Variants in CYP2U1 observed in about 807,000 individuals in gnomAD.
CYP2U1 encodes the protein cytochrome P450 2U1.
In CYP2U1, 28 loss-of-function variants were observed where a neutral mutation model predicts 42.8. The ratio of observed to expected loss-of-function variants is 0.65; its 90% CI spans 0.48 to 0.90. The LOEUF is 0.90. CYP2U1 is among the 40% of genes least tolerant of loss of function. The probability of loss-of-function intolerance (pLI) is 0.00; values close to 1 mark genes in which losing one functional copy is unlikely to be tolerated. For missense variants in CYP2U1, 642 were observed against 693.8 expected (o/e 0.93, Z 0.84); for synonymous variants, 296 against 278.9 (o/e 1.06, Z -0.61).
At chr4:107,945,830 G>T (rs117910291) in intron 2 of CYP2U1, among the ~76,000 whole-genome samples, 2 of 152,188 alleles carry the variant, frequency 1.3e-5, no homozygotes, top group Non-Finnish European at 2.9e-5. Flanking sequence ...ATCTCTACGC[G>T]TCTGATTCTA....
intron 3 of CYP2U1, among the ~76,000 whole-genome samples, chr4:107,949,055 A>G (rs1024988422): frequency 4.6e-5 from 7 of 151,916 alleles, no homozygotes; most frequent in African/African-American, 1.7e-4. Flanking sequence ...GAAATCCCCT[A>G]TTGTTTCTGT....
Position 107,947,525 on chromosome 4 carries a change from TCA to T in CYP2U1, c.1277_1278del (p.Ser426Ter). 1 of 1,614,022 alleles carries T rather than the reference TCA, an allele frequency of 6.2e-7. No homozygotes were observed. The highest frequency in any genetic ancestry group is 1.1e-5 in the South Asian group (1 of 91,072). ...VVPLAIPHMT[S>X]ENTVLQGYTI... ...GCCGCTTGCCATTCCTCATATGACCTCAGAGAACACAGGCAAGTCCAGGGTCT... is the reference window on the plus strand; with the variant it reads ...GCCGCTTGCCATTCCTCATATGACCTGAGAACACAGGCAAGTCCAGGGTCT... On this transcript the variant is annotated frameshift_variant, in exon 3 of 5. Transcript: ENST00000332884. LOFTEE classifies it high-confidence loss of function.
In CYP2U1 at chr4:107,950,580, C is replaced by T; in HGVS notation, c.*157C>T. On this transcript the variant is annotated 3_prime_UTR_variant, in exon 5 of 5. Coordinates refer to ENST00000332884, the MANE Select transcript of CYP2U1 (RefSeq NM_183075.3). ...GGTAGAGCACACTGGGAGGTTTCAT[C>T]TTGGAGGATTCCTCAGCAGGATACT... 1.5e-6 allele frequency: 1 copy of T among 661,876 alleles called. No individual in the cohort carries two copies. The allele number at this position is 661,876 out of a possible 1,614,324, so 41.0% of individuals were successfully genotyped here. A position where few individuals can be genotyped will look rare whatever the true frequency, so the allele number is the denominator to read the frequency against.
In CYP2U1 at chr4:107,934,078, T is replaced by C. The variant is rs1247905553; in HGVS notation, c.490+1945T>C. Among the ~76,000 whole-genome samples the C allele has an allele frequency of 2.6e-5, 4 of 152,286 alleles. No homozygotes were observed. The East Asian group carries it at 7.7e-4, about 29-fold the overall frequency. On this transcript the variant is annotated intron_variant, in intron 1 of 4. Coordinates refer to ENST00000332884, the MANE Select transcript of CYP2U1 (RefSeq NM_183075.3). ...CTTGATCATGTGGTAATTCTAGGTT[T>C]AATTTTTTGAAGAACCATCATACTA...
chr4:107,939,452 A>C (rs966774273), intron 1 of CYP2U1, among the ~76,000 whole-genome samples: 2 of 152,236 alleles, frequency 1.3e-5, no homozygotes, highest in African/African-American at 4.8e-5. Context: ...ACCATACCAG[A>C]GGAATGTTGA....
intron 1 of CYP2U1, chr4:107,939,031 C>CA (rs35318017): frequency 0.17 from 25,901 of 152,234 alleles, 2,413 homozygotes; most frequent in Non-Finnish European, 0.21. Context: ...GGTGTGGTGG[C>CA]ATGCGCCTGT....
intron 4 of CYP2U1, 124 bp downstream of exon 4, chr4:107,949,641 A>G (rs1733838961): frequency 2.3e-6 from 2 of 871,262 alleles, no homozygotes; most frequent in Non-Finnish European, 3.2e-6. Context: ...GAAGGGATCA[A>G]TAATTTAGAC....
intron 1 of CYP2U1, among the ~76,000 whole-genome samples, chr4:107,933,663 T>A (rs2126190760): frequency 6.6e-6 from 1 of 152,296 alleles, no homozygotes; most frequent in Non-Finnish European, 1.5e-5. Flanking sequence ...CTCCTGCGAA[T>A]AACAAAACCC....
Position 107,931,718 on chromosome 4 carries a change from G to A in CYP2U1, c.75G>A (p.Leu25=). 7.2e-7 allele frequency: 1 copy of A among 1,391,860 alleles called. No homozygotes were observed. Among genetic ancestry groups the A allele is most frequent in the Non-Finnish European group, 9.2e-7 (1 of 1,082,886 alleles). 86.2% of individuals were successfully genotyped at this position (1,391,860 alleles called of 1,614,324 possible). Residue 25 remains leucine, a synonymous_variant, in exon 1 of 5, where the codon CTG becomes CTA. Transcript: ENST00000332884. ...PWPARLLRAP[L]GLLRLDPSGG... ...CCGCGCGCCTCCTGCGTGCGCCTCT[G>A]GGGCTGCTGCGGCTGGACCCCAGCG...
chr4:107,943,039 C>A (rs1289808984), intron 1 of CYP2U1, among the ~76,000 whole-genome samples: 1 of 152,018 alleles, frequency 6.6e-6, no homozygotes, highest in African/African-American at 2.4e-5. Context: ...AAGAAAATTG[C>A]ACAGTAGATA....
In CYP2U1 at chr4:107,931,571, C is replaced by T. The variant is rs1732964212; in HGVS notation, c.-73C>T. The T allele has an allele frequency of 8.3e-7, 1 of 1,211,404 alleles. No homozygotes were observed. The highest frequency in any genetic ancestry group is 4.1e-5 in the South Asian group (1 of 24,340). 75.0% of individuals were successfully genotyped at this position (1,211,404 alleles called of 1,614,324 possible). On this transcript the variant is annotated 5_prime_UTR_variant, in exon 1 of 5. Coordinates refer to ENST00000332884, the MANE Select transcript of CYP2U1 (RefSeq NM_183075.3). ...TCCAGAGCAGAGCAGGACACTGGCG[C>T]CGCGGGTCAGGCAGCTGCGTGCGCG...
Position 107,931,698 on chromosome 4 carries a change from C to A in CYP2U1, c.55C>A (p.Arg19Ser). The A allele has an allele frequency of 7.4e-7, 1 of 1,342,490 alleles. No individual in the cohort carries two copies. The highest frequency in any genetic ancestry group is 1.5e-5 in the African/African-American group (1 of 64,902). The allele number at this position is 1,342,490 out of a possible 1,614,324, so 83.2% of individuals were successfully genotyped here. The change falls in exon 1 of 5, where the codon CGC becomes AGC. Residue 19 changes from arginine (R) to serine (S), a missense_variant. Coordinates refer to ENST00000332884, the MANE Select transcript of CYP2U1 (RefSeq NM_183075.3). Reference sequence around the variant, plus strand: ...GGCCGAGGACCCGCCCTGGCCCGCGCGCCTCCTGCGTGCGCCTCTGGGGCT... The same window carrying A: ...GGCCGAGGACCCGCCCTGGCCCGCGAGCCTCCTGCGTGCGCCTCTGGGGCT... ...PPAEDPPWPA[R>S]LLRAPLGLLR...
intron 1 of CYP2U1, chr4:107,937,806 AT>A (rs1211471510): frequency 6.6e-6 from 1 of 152,060 alleles, no homozygotes; most frequent in Non-Finnish European, 1.5e-5. Flanking sequence ...TGCCTGGCCC[AT>A]GTACATGTAT....
Position 107,945,331 on chromosome 4 carries a change from TA to T in CYP2U1, c.854del (p.Lys285ArgfsTer3), listed in dbSNP as rs762698300. ...WLYYLPFGPFKELRQIEKDIT... is the reference protein window; with the variant it reads ...WLYYLPFGPFXELRQIEKDIT... ...TTTATTACCTTCCCTTTGGACCATT[TA>T]AGGAATTAAGACAAATTGAAAAGGA... is the stretch of plus-strand genomic sequence containing the variant. On this transcript the variant is annotated frameshift_variant, in exon 2 of 5. Coordinates refer to ENST00000332884, the MANE Select transcript of CYP2U1 (RefSeq NM_183075.3). LOFTEE classifies it high-confidence loss of function. 15 of 1,613,990 alleles carry T rather than the reference TA, an allele frequency of 9.3e-6. No individual in the cohort carries two copies. The highest frequency in any genetic ancestry group is 1.3e-5 in the African/African-American group (1 of 74,888).
rs901277054 is a variant in CYP2U1, at chr4:107,931,767, C to T, written c.124C>T (p.Leu42Phe). ...CGGGGGCGCGCTGCTGCTATGCGGC[C>T]TCGTAGCGCTGCTGGGCTGGAGCTG... is the stretch of plus-strand genomic sequence containing the variant. ...PSGGALLLCG[L>F]VALLGWSWLR... The change falls in exon 1 of 5, where the codon CTC becomes TTC. Residue 42 changes from leucine to phenylalanine, a missense_variant. By Grantham distance (22) the Leu-to-Phe change is conservative. Coordinates refer to ENST00000332884, the MANE Select transcript of CYP2U1 (RefSeq NM_183075.3). The T allele has an allele frequency of 3.6e-5, 54 of 1,482,144 alleles. No individual in the cohort carries two copies. The highest frequency in any genetic ancestry group is 4.8e-5 in the Non-Finnish European group (54 of 1,123,180). The allele number at this position is 1,482,144 out of a possible 1,614,324, so 91.8% of individuals were successfully genotyped here.
Position 107,931,708 on chromosome 4 carries a change from G to A in CYP2U1, c.65G>A (p.Arg22His). 1 of 1,353,114 alleles carries A rather than the reference G, an allele frequency of 7.4e-7. No homozygotes were observed. Among genetic ancestry groups the A allele is most frequent in the Non-Finnish European group, 9.4e-7 (1 of 1,061,882 alleles). 83.8% of individuals were successfully genotyped at this position (1,353,114 alleles called of 1,614,324 possible). Residue 22 changes from arginine (R) to histidine (H), a missense_variant, in exon 1 of 5, where the codon CGT becomes CAT. By Grantham distance (29) the Arg-to-His change is conservative. Coordinates refer to ENST00000332884, the MANE Select transcript of CYP2U1 (RefSeq NM_183075.3). ...EDPPWPARLLRAPLGLLRLDP... is the reference protein window; with the variant it reads ...EDPPWPARLLHAPLGLLRLDP... ...CCGCCCTGGCCCGCGCGCCTCCTGC[G>A]TGCGCCTCTGGGGCTGCTGCGGCTG...
intron 3 of CYP2U1, among the ~76,000 whole-genome samples, chr4:107,949,037 G>A (rs181173193): frequency 6.6e-6 from 1 of 152,114 alleles, no homozygotes; most frequent in East Asian, 1.9e-4. Flanking sequence ...TTTAGGGAAC[G>A]TTTACTTGAA....
chr4:107,949,980 T>C (rs543257366), intron 4 of CYP2U1, among the ~76,000 whole-genome samples: 1 of 152,278 alleles, frequency 6.6e-6, no homozygotes, highest in East Asian at 1.9e-4. Context: ...AGAGACAGGA[T>C]AGCTGCCACA....
intron 1 of CYP2U1, among the ~76,000 whole-genome samples, chr4:107,942,899 T>C (rs1272045396): frequency 6.6e-6 from 1 of 152,208 alleles, no homozygotes; most frequent in Admixed American, 6.5e-5. Context: ...ATTTCTAAAA[T>C]ATGCAGCACA....
Sources: allele counts gnomAD v4.1 joint callset (sites outside exome capture counted in the v4.1 genomes callset), GRCh38; gene constraint gnomAD v4.1.1; transcripts MANE v1.5; gene names NCBI Gene and HGNC (gene_info 2026-07-23, HGNC 2026-07-21).